NCOA2: variants seen among roughly 807,000 people sequenced by gnomAD.
NCOA2 encodes the protein class E basic helix-loop-helix protein 75.
In NCOA2, 21 loss-of-function variants were observed where a neutral mutation model predicts 145.1. The observed-to-expected ratio is 0.14, with a 90% CI of 0.10 to 0.21. The LOEUF (loss-of-function observed/expected upper bound fraction) is 0.21, where lower values mean the gene tolerates loss of function less well. Ranked by LOEUF, NCOA2 falls within the 10% of genes least tolerant of loss-of-function variation. The pLI, the probability that NCOA2 is intolerant of heterozygous loss-of-function variation, is 1.00. For synonymous variants in NCOA2, 619 were observed against 637.5 expected, an observed-to-expected ratio of 0.97 and a Z score of 0.44; for missense variants, 1,472 against 1,837.6, an observed-to-expected ratio of 0.80 and a Z score of 3.64.
At chr8:70,373,171 C>G (rs1811364676) in intron 1 of NCOA2, among the ~76,000 whole-genome samples, 1 of 152,160 alleles carries the variant, frequency 6.6e-6, no homozygotes, top group Non-Finnish European at 1.5e-5. Flanking sequence ...AAGACACTTT[C>G]TAAAAAACTG....
At chr8:70,260,396 G>C (rs1824016031) in intron 2 of NCOA2, among the ~76,000 whole-genome samples, 1 of 152,118 alleles carries the variant, frequency 6.6e-6, no homozygotes, top group African/African-American at 2.4e-5. Flanking sequence ...GCCTCCCAAA[G>C]TGCTGGGAGG....
chr8:70,204,521 T>C (rs1325747307), intron 4 of NCOA2, among the ~76,000 whole-genome samples: 1 of 152,222 alleles, frequency 6.6e-6, no homozygotes, highest in African/African-American at 2.4e-5. Flanking sequence ...GTAATCCTTG[T>C]GCAAGGATGG....
intron 1 of NCOA2, among the ~76,000 whole-genome samples, chr8:70,325,388 T>C (rs1019821301): frequency 7.9e-5 from 12 of 152,250 alleles, no homozygotes; most frequent in Admixed American, 6.5e-4. Flanking sequence ...AGTCTCTCAC[T>C]CATTCACTCA....
At chr8:70,300,273 T>C (rs1317533695) in intron 1 of NCOA2, among the ~76,000 whole-genome samples, 2 of 152,182 alleles carry the variant, frequency 1.3e-5, no homozygotes. Context: ...TCCTGCTACT[T>C]AAAATGGGTG....
chr8:70,124,544 T>A (rs1369525547), intron 20 of NCOA2, 144 bp downstream of exon 20: 1 of 724,390 alleles, frequency 1.4e-6, no homozygotes, highest in African/African-American at 1.8e-5. Context: ...GAAATTGCTG[T>A]GGAAGGCGGT....
At chr8:70,451,949 C>A in the NCOA2 span, among the ~76,000 whole-genome samples, 3 of 150,142 alleles carry the variant, frequency 2.0e-5, no homozygotes, top group East Asian at 5.9e-4. Flanking sequence ...TTAAAATGGG[C>A]ATTTAAGGTG....
At chr8:70,314,806 A>G (rs1805455198) in intron 1 of NCOA2, among the ~76,000 whole-genome samples, 1 of 152,210 alleles carries the variant, frequency 6.6e-6, no homozygotes, top group South Asian at 2.1e-4. Flanking sequence ...TGAGAATTGA[A>G]CCATGTTTCC....
chr8:70,379,814 A>G (rs915661715), intron 1 of NCOA2, among the ~76,000 whole-genome samples: 2 of 133,640 alleles, frequency 1.5e-5, no homozygotes, highest in African/African-American at 6.6e-5. Flanking sequence ...AGAGCAACTA[A>G]ACTTCTGATT....
Position 70,276,381 on chromosome 8 carries a change from T to G in NCOA2, c.-20+20363A>C, listed in dbSNP as rs544505523. Reference sequence around the variant, plus strand: ...AATTGAGGCGATTTAAGAAGTAAATTCAAAATATGGCAGCAAAAACTTCTG... The same window carrying G: ...AATTGAGGCGATTTAAGAAGTAAATGCAAAATATGGCAGCAAAAACTTCTG... On this transcript the variant is annotated intron_variant, in intron 2 of 22. Transcript: ENST00000452400. 7.9e-5 allele frequency among the ~76,000 whole-genome samples: 12 copies of G among 152,296 alleles called. 1 individual carries two copies. In the East Asian group the frequency reaches 2.1e-3, roughly 27 times the overall value.
chr8:70,424,162 T>G, the NCOA2 span: 233 of 229,574 alleles, frequency 1.0e-3, 1 homozygote, highest in African/African-American at 5.3e-3. Flanking sequence ...ATGGCCACAG[T>G]GGCCAGTGGT....
chr8:70,278,816 A>C (rs1825660708), intron 2 of NCOA2, among the ~76,000 whole-genome samples: 1 of 151,950 alleles, frequency 6.6e-6, no homozygotes, highest in African/African-American at 2.4e-5. Flanking sequence ...AAATATAAAA[A>C]ATAGCTGGGT....
rs150153038 is a variant in NCOA2 at position 70,181,277 on chromosome 8, G to T, written c.260-6418C>A. On this transcript the variant is annotated intron_variant, in intron 4 of 22. Coordinates refer to ENST00000452400, the MANE Select transcript of NCOA2 (RefSeq NM_006540.4). Reference sequence around the variant, plus strand: ...CTTAGAAACCTAAATGCTATTAAATGTCTCCCATTATAGGGACAGGGTGAC... The same window carrying T: ...CTTAGAAACCTAAATGCTATTAAATTTCTCCCATTATAGGGACAGGGTGAC... Among the ~76,000 whole-genome samples, 3 of 152,290 alleles carry T rather than the reference G, an allele frequency of 2.0e-5. 1 individual carries two copies. Among genetic ancestry groups the T allele is most frequent in the Non-Finnish European group, 2.9e-5 (2 of 68,024 alleles).
At chr8:70,426,412 T>C in the NCOA2 span, among the ~76,000 whole-genome samples, 23 of 152,374 alleles carry the variant, frequency 1.5e-4, no homozygotes, top group East Asian at 1.9e-3. Flanking sequence ...AAATTATTCA[T>C]ATAGTTACAT....
chr8:70,237,323 C>A (rs1258621797), intron 2 of NCOA2, among the ~76,000 whole-genome samples: 1 of 152,178 alleles, frequency 6.6e-6, no homozygotes, highest in Non-Finnish European at 1.5e-5. Flanking sequence ...AGCCTGTACT[C>A]TTTACCTCTA....
intron 2 of NCOA2, among the ~76,000 whole-genome samples, chr8:70,249,963 C>CAAAAAAAAAAAA (rs747018939): frequency 5.3e-5 from 4 of 75,204 alleles, no homozygotes; most frequent in Non-Finnish European, 7.3e-5. Flanking sequence ...AATCTGCCTC[C>CAAAAAAAAAAAA]AAAAAAAAAA....
chr8:70,141,114 A>C lies in NCOA2; in HGVS notation c.3028+70T>G, dbSNP rs1810358867. 2.1e-6 allele frequency: 3 copies of C among 1,443,174 alleles called. No individual in the cohort carries two copies. In the East Asian group the frequency reaches 7.3e-5, roughly 35 times the overall value. 89.4% of individuals were successfully genotyped at this position (1,443,174 alleles called of 1,614,324 possible). A position where few individuals can be genotyped will look rare whatever the true frequency, so the allele number is the denominator to read the frequency against. The stretch of plus-strand genomic sequence containing the variant: ...ATGCCCATAAGAAGCATGTCTTGAA[A>C]GAACTTATGACGCTCTCTTTTCTAA... On this transcript the variant is annotated intron_variant, in intron 14 of 22. Coordinates refer to ENST00000452400, the MANE Select transcript of NCOA2 (RefSeq NM_006540.4).
intron 6 of NCOA2, among the ~76,000 whole-genome samples, chr8:70,167,216 T>C (rs1036326974): frequency 6.6e-6 from 1 of 152,236 alleles, no homozygotes; most frequent in Admixed American, 6.5e-5. Flanking sequence ...TGGCACCAAA[T>C]GTAGTGCACG....
At chr8:70,229,783 C>T (rs567474296) in intron 2 of NCOA2, among the ~76,000 whole-genome samples, 9 of 152,158 alleles carry the variant, frequency 5.9e-5, no homozygotes, top group South Asian at 2.1e-4. Flanking sequence ...AAGGAGACTT[C>T]GGAGGTGAAG....
intron 18 of NCOA2, among the ~76,000 whole-genome samples, chr8:70,127,427 T>C (rs140456435): frequency 1.0e-3 from 156 of 152,284 alleles, no homozygotes; most frequent in African/African-American, 3.4e-3. Context: ...TTCAAGTCTA[T>C]AGAGAAATAA....
Sources: allele counts gnomAD v4.1 joint callset (sites outside exome capture counted in the v4.1 genomes callset), GRCh38; gene constraint gnomAD v4.1.1; transcripts MANE v1.5; gene names NCBI Gene and HGNC (gene_info 2026-07-23, HGNC 2026-07-21).